Variants in HDAC4 observed in about 807,000 individuals in gnomAD.
HDAC4 encodes the protein histone deacetylase A.
In HDAC4, 16 loss-of-function variants were observed where a neutral mutation model predicts 135.1. That is an observed-to-expected ratio of 0.12 (90% CI 0.08 to 0.18). The LOEUF (loss-of-function observed/expected upper bound fraction) is 0.18, where lower values mean the gene tolerates loss of function less well. HDAC4 is among the 10% of genes least tolerant of loss of function. The pLI is 1.00. For missense variants in HDAC4, 1,143 were observed against 1,511.8 expected, an observed-to-expected ratio of 0.76 and a Z score of 4.05; for synonymous variants, 685 against 653.4, an observed-to-expected ratio of 1.05 and a Z score of -0.74.
At chr2:239,187,429 G>A (rs1417274773) in intron 4 of HDAC4, among the ~76,000 whole-genome samples, 1 of 152,252 alleles carries the variant, frequency 6.6e-6, no homozygotes, top group East Asian at 1.9e-4. Context: ...CTTGAGGGCT[G>A]CTCTTCGCAG....
intron 2 of HDAC4, among the ~76,000 whole-genome samples, chr2:239,287,165 C>T (rs960933457): frequency 6.6e-6 from 1 of 152,196 alleles, no homozygotes; most frequent in Non-Finnish European, 1.5e-5. Context: ...GCATGAACTG[C>T]AGCCGTGCCT....
At position 239,081,083 on chromosome 2, in the gene HDAC4, CG is replaced by C; in HGVS notation, c.2750+11del. 6.3e-7 allele frequency: 1 copy of C among 1,599,280 alleles called. No homozygotes were observed. Among genetic ancestry groups the C allele is most frequent in the Non-Finnish European group, 8.6e-7 (1 of 1,167,546 alleles). On this transcript the variant is annotated intron_variant, in intron 22 of 26. Transcript: ENST00000543185. Reference sequence around the variant, plus strand: ...TGCTACTTCAGGTGTCATGTGAAGCCGGGAGGCTCACCTGAAGGCCGCCAAG... The same window carrying C: ...TGCTACTTCAGGTGTCATGTGAAGCCGGAGGCTCACCTGAAGGCCGCCAAG...
intron 2 of HDAC4, among the ~76,000 whole-genome samples, chr2:239,254,540 A>C (rs1456968362): frequency 6.6e-6 from 1 of 152,240 alleles, no homozygotes; most frequent in Non-Finnish European, 1.5e-5. Context: ...AGAACAGATT[A>C]GATCTAGTTA....
At chr2:239,327,791 C>A (rs1050488985) in intron 2 of HDAC4, among the ~76,000 whole-genome samples, 5 of 152,210 alleles carry the variant, frequency 3.3e-5, no homozygotes, top group African/African-American at 9.7e-5. Flanking sequence ...CCTAGAGACA[C>A]CCTGGCCAAA....
At chr2:239,364,454 T>G (rs542939789) in intron 1 of HDAC4, among the ~76,000 whole-genome samples, 2 of 152,186 alleles carry the variant, frequency 1.3e-5, no homozygotes, top group Admixed American at 1.3e-4. Flanking sequence ...GGGCTCCGTG[T>G]GCATAAAATG....
intron 6 of HDAC4, chr2:239,162,004 G>A (rs1015138160): frequency 4.9e-6 from 2 of 407,974 alleles, no homozygotes; most frequent in African/African-American, 4.1e-5. Context: ...GCTGGCCTCG[G>A]CCCCCCGTCC....
intron 2 of HDAC4, among the ~76,000 whole-genome samples, chr2:239,252,878 G>A (rs1265484306): frequency 6.6e-6 from 1 of 152,230 alleles, no homozygotes; most frequent in East Asian, 1.9e-4. Flanking sequence ...CCTCCCTGAC[G>A]CACACACCCT....
Position 239,346,008 on chromosome 2 carries a change from T to C in HDAC4, c.22+6670A>G, listed in dbSNP as rs1206668395. On this transcript the variant is annotated intron_variant, in intron 2 of 26. Coordinates refer to ENST00000543185, the MANE Select transcript of HDAC4 (RefSeq NM_001378414.1). ...CACCGTCTCACACACTTGCACTCAC[T>C]CTCACACACACATCCTAACACACAT... Among the ~76,000 whole-genome samples the C allele has an allele frequency of 1.5e-3, 188 of 121,504 alleles. 1 individual carries two copies. Among genetic ancestry groups the C allele is most frequent in the African/African-American group, 6.2e-3 (179 of 28,942 alleles). 79.7% of individuals were successfully genotyped at this position (121,504 alleles called of 152,430 possible). A position where few individuals can be genotyped will look rare whatever the true frequency, so the allele number is the denominator to read the frequency against.
rs1295301934 is a variant in HDAC4, at chr2:239,245,322, C to G, written c.23-8658G>C. On this transcript the variant is annotated intron_variant, in intron 2 of 26. Coordinates refer to ENST00000543185, the MANE Select transcript of HDAC4 (RefSeq NM_001378414.1). The surrounding 1 kb of genome is among the most constrained non-coding windows in gnomAD (Gnocchi z 4.4). ...AGTCAAGCCCTGAAACAGAAAATCCCAGGACAAAGGACTCAGTGAGGCGGA... is the reference window on the plus strand; with the variant it reads ...AGTCAAGCCCTGAAACAGAAAATCCGAGGACAAAGGACTCAGTGAGGCGGA... Among the ~76,000 whole-genome samples the G allele has an allele frequency of 1.3e-5, 2 of 152,198 alleles. No homozygotes were observed. The highest frequency in any genetic ancestry group is 2.9e-5 in the Non-Finnish European group (2 of 68,040).
chr2:239,175,566 T>C (rs971116259), intron 5 of HDAC4, among the ~76,000 whole-genome samples: 1 of 152,160 alleles, frequency 6.6e-6, no homozygotes, highest in African/African-American at 2.4e-5. Flanking sequence ...CATGCTGGTC[T>C]CCAGATGTAC....
chr2:239,264,721 G>A (rs1172408786), intron 2 of HDAC4, among the ~76,000 whole-genome samples: 2 of 152,212 alleles, frequency 1.3e-5, no homozygotes, highest in Admixed American at 6.5e-5. Flanking sequence ...CGTCCTGTCT[G>A]CAGCATTTCT....
At position 239,236,582 on chromosome 2, in the gene HDAC4, G is replaced by A. The variant is rs903237475; in HGVS notation, c.94+11C>T. The A allele has an allele frequency of 1.3e-5, 20 of 1,549,882 alleles. No homozygotes were observed. The highest frequency in any genetic ancestry group is 1.7e-5 in the Non-Finnish European group (19 of 1,145,464). On this transcript the variant is annotated intron_variant, in intron 3 of 26. Coordinates refer to ENST00000543185, the MANE Select transcript of HDAC4 (RefSeq NM_001378414.1). ...GGGCCGGCCGGACAGGGCAGGGGTGGGCGGACTTACCCGTGCTGGGCATGT... is the reference window on the plus strand; with the variant it reads ...GGGCCGGCCGGACAGGGCAGGGGTGAGCGGACTTACCCGTGCTGGGCATGT...
At chr2:239,389,513 T>C (rs1696056283) in intron 1 of HDAC4, among the ~76,000 whole-genome samples, 2 of 152,204 alleles carry the variant, frequency 1.3e-5, no homozygotes, top group East Asian at 3.9e-4. Flanking sequence ...TGCAGCTTCA[T>C]TCTTGAAGTC....
chr2:239,120,086 C>CGGGGAGGTGGGTAG (rs1306358607), intron 12 of HDAC4, among the ~76,000 whole-genome samples: 5 of 152,126 alleles, frequency 3.3e-5, no homozygotes, highest in African/African-American at 1.2e-4. Flanking sequence ...GGCCCCGGGA[C>CGGGGAGGTGGGTAG]GGGGAGGTGG....
chr2:239,209,468 C>T (rs2153092994), intron 3 of HDAC4, among the ~76,000 whole-genome samples: 1 of 152,302 alleles, frequency 6.6e-6, no homozygotes, highest in East Asian at 1.9e-4. Flanking sequence ...TCCTACTATT[C>T]TACGGGGAAC....
intron 6 of HDAC4, among the ~76,000 whole-genome samples, chr2:239,163,170 T>G (rs931101427): frequency 6.6e-6 from 1 of 152,164 alleles, no homozygotes; most frequent in Non-Finnish European, 1.5e-5. Context: ...CTCTGTCAAT[T>G]GCGTGGGCCC....
At chr2:239,282,577 CCACTCTACAAT>C (rs1442488877) in intron 2 of HDAC4, among the ~76,000 whole-genome samples, 1 of 149,836 alleles carries the variant, frequency 6.7e-6, no homozygotes, top group Non-Finnish European at 1.5e-5. Context: ...AATGAACACA[CCACTCTACAAT>C]GTACACACCA....
chr2:239,119,149 T>C (rs2039403293), intron 12 of HDAC4, among the ~76,000 whole-genome samples: 1 of 152,162 alleles, frequency 6.6e-6, no homozygotes, highest in Non-Finnish European at 1.5e-5. Context: ...GTCTGATGTG[T>C]AACGGGATGT....
At chr2:239,379,165 C>T (rs1358640682) in intron 1 of HDAC4, among the ~76,000 whole-genome samples, 2 of 151,972 alleles carry the variant, frequency 1.3e-5, no homozygotes, top group Non-Finnish European at 2.9e-5. Flanking sequence ...GGGTGGAGGC[C>T]GCCAAGAAAA....
Sources: allele counts gnomAD v4.1 joint callset (sites outside exome capture counted in the v4.1 genomes callset), GRCh38; gene constraint gnomAD v4.1.1; non-coding constraint Gnocchi (gnomAD v3.1); transcripts MANE v1.5; gene names NCBI Gene and HGNC (gene_info 2026-07-23, HGNC 2026-07-21).